Variants in CACNB3 observed in about 807,000 individuals in gnomAD.
The protein encoded by CACNB3 is calcium voltage-gated channel auxiliary subunit beta 3.
In CACNB3, 36 loss-of-function variants were observed where a neutral mutation model predicts 63.7. The ratio of observed to expected loss-of-function variants is 0.57; its 90% CI spans 0.43 to 0.75. The LOEUF (loss-of-function observed/expected upper bound fraction) is 0.75, where lower values mean the gene tolerates loss of function less well. Among genes scored for constraint, CACNB3 ranks in the 30% least tolerant of loss-of-function variants. CACNB3 has a pLI of 0.00. For missense variants in CACNB3, 493 were observed against 648.6 expected (o/e 0.76, Z 2.61); for synonymous variants, 241 against 250.6 (o/e 0.96, Z 0.36).
chr12:48,817,669 G>A, upstream of CACNB3, among the ~76,000 whole-genome samples: 1 of 152,172 alleles, frequency 6.6e-6, no homozygotes. Context: ...ACTGAGTGGT[G>A]CAGAGTGGTA....
At chr12:48,815,736 T>TG (rs147844203), upstream of CACNB3, 11,759 of 415,356 alleles carry the variant, frequency 0.028, 705 homozygotes, top group African/African-American at 0.29. Context: ...GAGGTAACCG[T>TG]GGGGGGGGTG....
upstream of CACNB3, chr12:48,816,797 C>T (rs1592178879): frequency 1.0e-6 from 1 of 979,930 alleles, no homozygotes; most frequent in Non-Finnish European, 1.2e-6. Flanking sequence ...GAGAGAGTCC[C>T]AAAAGGAGAG....
Position 48,825,500 on chromosome 12 carries a change from GC to G in CACNB3, c.632+11del. The G allele has an allele frequency of 1.2e-6, 2 of 1,614,170 alleles. No individual in the cohort carries two copies. Among genetic ancestry groups the G allele is most frequent in the South Asian group, 2.2e-5 (2 of 91,082 alleles). Reference sequence around the variant, plus strand: ...ACACAGATTTGATGGCAGGTAAGCTGCCCTGGCCTGAGGTGGCCTGAGAACC... The same window carrying G: ...ACACAGATTTGATGGCAGGTAAGCTGCCTGGCCTGAGGTGGCCTGAGAACC... On this transcript the variant is annotated intron_variant, in intron 8 of 12. Transcript: ENST00000301050. The surrounding 1 kb of genome is among the most constrained non-coding windows in gnomAD (Gnocchi z 4.5).
intron 1 of CACNB3, among the ~76,000 whole-genome samples, chr12:48,822,848 C>T (rs1168326493): frequency 6.6e-6 from 1 of 152,176 alleles, no homozygotes. Flanking sequence ...TGGATCCCCA[C>T]ATTCAGGACT....
intron 1 of CACNB3, chr12:48,820,828 G>A (rs1294581137): frequency 2.6e-5 from 4 of 152,208 alleles, no homozygotes; most frequent in Non-Finnish European, 4.4e-5. Context: ...AAATATTTAG[G>A]AAGAGATCCT....
chr12:48,827,491 G>A (rs1938208634), intron 12 of CACNB3, 94 bp from the exon 13 acceptor site: 1 of 1,165,744 alleles, frequency 8.6e-7, no homozygotes, highest in Non-Finnish European at 1.2e-6. Flanking sequence ...CTTTACCGGG[G>A]AATTGAGAGT....
intron 1 of CACNB3, among the ~76,000 whole-genome samples, chr12:48,822,302 T>C (rs1937891222): frequency 6.6e-6 from 1 of 152,156 alleles, no homozygotes; most frequent in Admixed American, 6.5e-5. Context: ...TTGTAACCTC[T>C]GGGCTCTTGT....
upstream of CACNB3, chr12:48,816,804 A>C (rs1398503391): frequency 1.0e-6 from 1 of 982,378 alleles, no homozygotes; most frequent in African/African-American, 1.7e-5. Flanking sequence ...TCCCAAAAGG[A>C]GAGGCCAGGA....
upstream of CACNB3, chr12:48,815,696 T>G: frequency 6.8e-7 from 1 of 1,470,226 alleles, no homozygotes; most frequent in Non-Finnish European, 9.0e-7. Flanking sequence ...TATGTCTTTT[T>G]CTGACTCCAG....
chr12:48,815,763 G>T, upstream of CACNB3: 2 of 1,229,754 alleles, frequency 1.6e-6, no homozygotes, highest in Non-Finnish European at 2.3e-6. Context: ...CGTGGGAAGG[G>T]GGTTCCCCAC....
chr12:48,816,881 C>T (rs1942299602), upstream of CACNB3: 1 of 985,472 alleles, frequency 1.0e-6, no homozygotes, highest in Non-Finnish European at 1.2e-6. Flanking sequence ...AGAGCCATCT[C>T]CCAGGAGAAG....
intron 4 of CACNB3, 115 bp from the exon 5 acceptor site, chr12:48,824,554 C>T (rs541819673): frequency 8.8e-7 from 1 of 1,137,786 alleles, no homozygotes; most frequent in East Asian, 2.4e-5. Flanking sequence ...GCATGTACAC[C>T]TGTCTCACTA....
In CACNB3 at chr12:48,826,176, C is replaced by T. The variant is rs1399606479; in HGVS notation, c.743-191C>T. 4 of 611,516 alleles carry T rather than the reference C, an allele frequency of 6.5e-6. No homozygotes were observed. Among genetic ancestry groups the T allele is most frequent in the Admixed American group, 5.8e-5 (2 of 34,736 alleles). 37.9% of individuals were successfully genotyped at this position (611,516 alleles called of 1,614,324 possible). ...ACCTCCTTGTCTTTCTGCCCAACTC[C>T]TCTACCTGCCCCCAGGATTGGCAAG... On this transcript the variant is annotated intron_variant, in intron 9 of 12. Coordinates refer to ENST00000301050, the MANE Select transcript of CACNB3 (RefSeq NM_000725.4). The surrounding 1 kb of genome is among the most constrained non-coding windows in gnomAD (Gnocchi z 4.8).
At chr12:48,814,510 C>G (rs1180945054), upstream of CACNB3, 1 of 1,529,930 alleles carries the variant, frequency 6.5e-7, no homozygotes, top group South Asian at 1.2e-5. This position sits in a 1 kb window ranked among gnomAD's most constrained non-coding sequence, Gnocchi z 6.9. Context: ...CCGGCCAGGA[C>G]GCTGCCCGGC....
rs1294622095 is a variant in CACNB3 at position 48,828,809 on chromosome 12, GGA to G, written c.*915_*916del. On this transcript the variant is annotated 3_prime_UTR_variant, in exon 13 of 13. Coordinates refer to ENST00000301050, the MANE Select transcript of CACNB3 (RefSeq NM_000725.4). ...CGCTTGTTAGGTTAGGGTTAGATGG[GGA>G]GAGACAGGGCACAGAGGACCTGTCT... The G allele has an allele frequency of 6.6e-6, 3 of 456,018 alleles. No homozygotes were observed. The highest frequency in any genetic ancestry group is 4.6e-5 in the South Asian group (3 of 64,534). The allele number at this position is 456,018 out of a possible 1,614,324, so 28.2% of individuals were successfully genotyped here. A position where few individuals can be genotyped will look rare whatever the true frequency, so the allele number is the denominator to read the frequency against.
upstream of CACNB3, chr12:48,814,624 A>C (rs1442559293): frequency 1.4e-6 from 2 of 1,417,646 alleles, no homozygotes; most frequent in African/African-American, 3.0e-5. The surrounding 1 kb of genome is among the most constrained non-coding windows in gnomAD (Gnocchi z 6.9). Context: ...GAATAAGTAG[A>C]GCGCAGCCTG....
chr12:48,824,887 C>A, intron 5 of CACNB3, 62 bp from the exon 6 acceptor site: 1 of 1,590,358 alleles, frequency 6.3e-7, no homozygotes. Context: ...ACGGGGATAC[C>A]ATGCCCCCAG....
At position 48,826,301 on chromosome 12, in the gene CACNB3, C is replaced by G; in HGVS notation, c.743-66C>G. ...TTCCTGTCCACCATTCGGGAGCCCT[C>G]AAAGCCTGCTGGAGTGAGCAGTGGG... On this transcript the variant is annotated intron_variant, in intron 9 of 12. Transcript: ENST00000301050. The surrounding 1 kb of genome is among the most constrained non-coding windows in gnomAD (Gnocchi z 4.8). The G allele has an allele frequency of 6.4e-7, 1 of 1,566,070 alleles. No homozygotes were observed. The highest frequency in any genetic ancestry group is 2.2e-5 in the East Asian group (1 of 44,448).
In CACNB3 at chr12:48,823,030, C is replaced by T. The variant is rs567486672; in HGVS notation, c.46-314C>T. Among the ~76,000 whole-genome samples, 6 of 152,290 alleles carry T rather than the reference C, an allele frequency of 3.9e-5. No homozygotes were observed. Among genetic ancestry groups the T allele is most frequent in the East Asian group, 3.9e-4 (2 of 5,166 alleles). The stretch of plus-strand genomic sequence containing the variant: ...CATCTTCAGCACACCTCCCTTCCCT[C>T]GGCTCAGAGGACATGTTAGAGGGGA... On this transcript the variant is annotated intron_variant, in intron 1 of 12. Transcript: ENST00000301050. The surrounding 1 kb of genome is among the most constrained non-coding windows in gnomAD (Gnocchi z 4.2).
Sources: allele counts gnomAD v4.1 joint callset (sites outside exome capture counted in the v4.1 genomes callset), GRCh38; gene constraint gnomAD v4.1.1; non-coding constraint Gnocchi (gnomAD v3.1); transcripts MANE v1.5; gene names NCBI Gene and HGNC (gene_info 2026-07-23, HGNC 2026-07-21).